SCMH1: variants seen among roughly 807,000 people sequenced by gnomAD.
SCMH1 encodes Scm polycomb group protein homolog 1, also known as polycomb protein SCMH1.
In SCMH1, 37 loss-of-function variants were observed where a neutral mutation model predicts 70.8. The ratio of observed to expected loss-of-function variants is 0.52; its 90% confidence interval spans 0.40 to 0.69. The LOEUF (loss-of-function observed/expected upper bound fraction) is 0.69. Ranked by LOEUF, SCMH1 falls within the 30% of genes least tolerant of loss-of-function variation. The pLI is 0.00. For missense variants in SCMH1, 607 were observed against 827.3 expected (o/e 0.73, Z 3.27); for synonymous variants, 292 against 307.4 (o/e 0.95, Z 0.52).
chr1:41,235,319 A>G (rs1028177985), intron 1 of SCMH1, among the ~76,000 whole-genome samples: 4 of 152,004 alleles, frequency 2.6e-5, no homozygotes, highest in African/African-American at 9.7e-5. Context: ...TATTCTTTAA[A>G]AATATACATA....
chr1:41,102,603 T>C (rs556832831), intron 8 of SCMH1, among the ~76,000 whole-genome samples: 44 of 152,280 alleles, frequency 2.9e-4, no homozygotes, highest in African/African-American at 1.0e-3. Flanking sequence ...GGCTGATAAA[T>C]CTGCAGAGAG....
chr1:41,109,154 A>G (rs1031701532), intron 8 of SCMH1, among the ~76,000 whole-genome samples: 3 of 152,208 alleles, frequency 2.0e-5, no homozygotes, highest in Admixed American at 2.0e-4. Context: ...CTAGACTCAG[A>G]TATCAACAGA....
At chr1:41,190,306 G>A (rs1651377134) in intron 1 of SCMH1, among the ~76,000 whole-genome samples, 2 of 152,206 alleles carry the variant, frequency 1.3e-5, no homozygotes, top group African/African-American at 4.8e-5. Flanking sequence ...TTTCATGTAG[G>A]AGAGAGATGA....
At chr1:41,140,180 T>G (rs978187288) in intron 6 of SCMH1, among the ~76,000 whole-genome samples, 1 of 152,192 alleles carries the variant, frequency 6.6e-6, no homozygotes. Flanking sequence ...AACTAGGGTT[T>G]TGTTGTGGTA....
chr1:41,072,387 C>A (rs145411577), intron 9 of SCMH1, among the ~76,000 whole-genome samples: 1 of 152,162 alleles, frequency 6.6e-6, no homozygotes, highest in Admixed American at 6.5e-5. Flanking sequence ...GGTACATGTA[C>A]AATATTATAT....
At chr1:41,078,895 A>G (rs919841320) in intron 8 of SCMH1, among the ~76,000 whole-genome samples, 2 of 152,244 alleles carry the variant, frequency 1.3e-5, no homozygotes, top group African/African-American at 4.8e-5. Context: ...GATACTGATT[A>G]TTTAAAACAA....
At chr1:41,056,431 A>G (rs578041750) in intron 10 of SCMH1, among the ~76,000 whole-genome samples, 3 of 152,188 alleles carry the variant, frequency 2.0e-5, no homozygotes, top group African/African-American at 7.2e-5. Flanking sequence ...TCTTGAGGTC[A>G]TAAGGATATT....
intron 1 of SCMH1, among the ~76,000 whole-genome samples, chr1:41,210,523 G>C (rs540791531): frequency 8.7e-4 from 133 of 152,136 alleles, no homozygotes; most frequent in South Asian, 3.5e-3. Flanking sequence ...TAGACCAATG[G>C]AACAGAACAG....
At chr1:41,085,564 A>T (rs1571946159) in intron 8 of SCMH1, among the ~76,000 whole-genome samples, 1 of 152,316 alleles carries the variant, frequency 6.6e-6, no homozygotes, top group East Asian at 1.9e-4. Context: ...ATTGGAAAAG[A>T]TAAAGTAAAA....
rs1200981119 is a variant in SCMH1 at position 41,231,003 on chromosome 1, A to G, written c.-118+11056T>C. On this transcript the variant is annotated intron_variant, in intron 1 of 14. Transcript: ENST00000337495. ...TTAGAAATTGGTTTGTGGGAGTGGC[A>G]CAAATGATAGTCCCTAAAACACAGA... 3.3e-5 allele frequency among the ~76,000 whole-genome samples: 5 copies of G among 152,224 alleles called. No homozygotes were observed. The East Asian group carries it at 9.6e-4, about 29-fold the overall frequency.
chr1:41,069,066 T>C (rs899413338), intron 10 of SCMH1, among the ~76,000 whole-genome samples: 5 of 151,904 alleles, frequency 3.3e-5, no homozygotes, highest in African/African-American at 1.2e-4. Flanking sequence ...CACAGAAAAA[T>C]AAACACAAAA....
intron 4 of SCMH1, among the ~76,000 whole-genome samples, chr1:41,158,716 A>G (rs1645769510): frequency 6.6e-6 from 1 of 152,196 alleles, no homozygotes. Flanking sequence ...TTCTGGCTGT[A>G]GTGTAAAGAA....
At chr1:41,049,310 ATGTGTG>A (rs3030391) in intron 10 of SCMH1, among the ~76,000 whole-genome samples, 1 of 149,788 alleles carries the variant, frequency 6.7e-6, no homozygotes, top group African/African-American at 2.5e-5. Flanking sequence ...GCAAGGGCAT[ATGTGTG>A]TGTGTGTGTG....
chr1:41,085,997 C>T (rs1029191670), intron 8 of SCMH1, among the ~76,000 whole-genome samples: 3 of 151,814 alleles, frequency 2.0e-5, no homozygotes, highest in Non-Finnish European at 2.9e-5. Flanking sequence ...CCCACCGCCA[C>T]GCCCAGCTAA....
At chr1:41,189,208 G>A (rs1651041061) in intron 1 of SCMH1, among the ~76,000 whole-genome samples, 1 of 152,202 alleles carries the variant, frequency 6.6e-6, no homozygotes, top group Non-Finnish European at 1.5e-5. Context: ...GGAGTGCAGT[G>A]GCATGATGTT....
At chr1:41,194,328 C>T (rs1462109298) in intron 1 of SCMH1, among the ~76,000 whole-genome samples, 2 of 152,116 alleles carry the variant, frequency 1.3e-5, no homozygotes, top group South Asian at 2.1e-4. Flanking sequence ...CTGACCTTTT[C>T]AAGGATCTGA....
intron 1 of SCMH1, among the ~76,000 whole-genome samples, chr1:41,204,161 G>A (rs957957726): frequency 6.6e-6 from 1 of 152,118 alleles, no homozygotes; most frequent in Non-Finnish European, 1.5e-5. Context: ...GGTACATGGT[G>A]GAGCTGGGAA....
chr1:41,144,858 T>C (rs1436063535), intron 5 of SCMH1, among the ~76,000 whole-genome samples: 1 of 152,204 alleles, frequency 6.6e-6, no homozygotes, highest in Non-Finnish European at 1.5e-5. Context: ...CTACTGAGTA[T>C]CTTTAATGTG....
exon 11 of SCMH1, chr1:41,048,853 G>T: frequency 6.2e-7 from 1 of 1,614,136 alleles, no homozygotes; most frequent in Non-Finnish European, 8.5e-7. Context: ...TATCTAAGTG[G>T]GGGCCTGTGC....
Sources: allele counts gnomAD v4.1 joint callset (sites outside exome capture counted in the v4.1 genomes callset), GRCh38; gene constraint gnomAD v4.1.1; transcripts MANE v1.5; gene names NCBI Gene and HGNC (gene_info 2026-07-23, HGNC 2026-07-21).